Variants in POLA1 observed in about 807,000 individuals in gnomAD.
The protein encoded by POLA1 is DNA polymerase alpha 1, catalytic subunit, also known as DNA polymerase alpha catalytic subunit.
In POLA1, 15 loss-of-function variants were observed where a neutral mutation model predicts 124.0. The observed-to-expected ratio is 0.12, with a 90% CI of 0.08 to 0.19. The LOEUF (loss-of-function observed/expected upper bound fraction) is 0.19. Among genes scored for constraint, POLA1 ranks in the 10% least tolerant of loss-of-function variants. POLA1 has a pLI of 1.00. For synonymous variants in POLA1, 408 were observed against 389.4 expected (o/e 1.05, Z -0.56); for missense variants, 886 against 1,103.4 (o/e 0.80, Z 2.79).
chrX:24,727,838 G>T lies in POLA1; in HGVS notation c.1588G>T (p.Asp530Tyr). Reference protein sequence around the residue: ...CKVEAMALKPDLVNVIKDVSP... With the variant: ...CKVEAMALKPYLVNVIKDVSP... ...AGTTGAGGCAATGGCTTTGAAACCA[G>T]ACCTGGTGAATGTAATTAAGGATGT... Residue 530 changes from aspartate (D) to tyrosine (Y), a missense_variant, in exon 15 of 37, where the codon GAC (aspartate) becomes TAC (tyrosine). Asp to Tyr is a radical substitution (Grantham distance 160, BLOSUM62 -3). Coordinates refer to ENST00000379068, the MANE Select transcript of POLA1 (RefSeq NM_001330360.2). The T allele has an allele frequency of 8.3e-7, 1 of 1,207,756 alleles. No individual in the cohort carries two copies. Among genetic ancestry groups the T allele is most frequent in the Non-Finnish European group, 1.1e-6 (1 of 891,619 alleles).
intron 26 of POLA1, among the ~76,000 whole-genome samples, chrX:24,776,440 G>T (rs1039592033): frequency 1.8e-5 from 2 of 112,001 alleles, no homozygotes; most frequent in African/African-American, 6.5e-5. Context: ...TTCAGGAAAA[G>T]CTATAAGCTA....
At chrX:24,824,143 G>A (rs1003979415) in intron 31 of POLA1, among the ~76,000 whole-genome samples, 4 of 111,893 alleles carry the variant, frequency 3.6e-5, no homozygotes, top group African/African-American at 1.3e-4. Context: ...TCTGAAGTAT[G>A]TACTTTGTGA....
intron 6 of POLA1, 99 bp downstream of exon 6, chrX:24,715,302 T>G (rs1193751573): frequency 1.7e-6 from 1 of 575,387 alleles, no homozygotes; most frequent in East Asian, 3.5e-5. Flanking sequence ...AATTTTTTCT[T>G]TTTTTTTGAA....
chrX:24,844,934 ACT>A (rs2046456981), intron 34 of POLA1, among the ~76,000 whole-genome samples: 1 of 110,434 alleles, frequency 9.1e-6, no homozygotes, highest in Admixed American at 9.7e-5. Flanking sequence ...TCCTTGCTTG[ACT>A]CTTGGGAAGA....
intron 34 of POLA1, among the ~76,000 whole-genome samples, chrX:24,879,642 C>G (rs1338828026): frequency 9.0e-6 from 1 of 111,630 alleles, no homozygotes; most frequent in African/African-American, 3.3e-5. Flanking sequence ...GTACTGTGTA[C>G]TTAGTTGTGA....
Position 24,888,017 on chromosome X carries a change from A to C in POLA1, c.4059A>C (p.Ile1353=). Residue 1353 remains isoleucine, a synonymous_variant, in exon 35 of 37, where the codon ATA becomes ATC. Transcript: ENST00000379068. The part of the protein sequence containing the change: ...FIKKYYDGWL[I]CEEPTCRNRT... ...TCCCTTCTCTCCAGGGCTGGTTGAT[A>C]TGTGAAGAGCCAACCTGTCGCAATC... is the stretch of plus-strand genomic sequence containing the variant. 8.3e-7 allele frequency: 1 copy of C among 1,197,869 alleles called. No individual in the cohort carries two copies. Among genetic ancestry groups the C allele is most frequent in the Non-Finnish European group, 1.1e-6 (1 of 882,974 alleles).
chrX:24,940,901 T>C lies in POLA1; in HGVS notation c.4261+10352T>C, dbSNP rs762819506. Among the ~76,000 whole-genome samples, 5 of 112,249 alleles carry C rather than the reference T, an allele frequency of 4.5e-5. No homozygotes were observed. In the East Asian group the frequency reaches 1.1e-3, roughly 25 times the overall value. On this transcript the variant is annotated intron_variant, in intron 36 of 36. Transcript: ENST00000379068. ...AGTCCCATTTGCTTCAGGCAAATTA[T>C]AGGATTTATATTTATCCAGAATTGT...
intron 34 of POLA1, among the ~76,000 whole-genome samples, chrX:24,881,728 T>A (rs915321952): frequency 3.6e-5 from 4 of 111,587 alleles, no homozygotes; most frequent in Non-Finnish European, 5.6e-5. Flanking sequence ...TTAGGTGGAA[T>A]AAGGAAGAAA....
chrX:24,694,409 C>A (rs1927833478), intron 1 of POLA1, among the ~76,000 whole-genome samples: 1 of 112,635 alleles, frequency 8.9e-6, no homozygotes, highest in African/African-American at 3.2e-5. Flanking sequence ...GTAGGAACTT[C>A]CAGGAAAATT....
chrX:24,948,206 A>G (rs2047991820), intron 36 of POLA1, among the ~76,000 whole-genome samples: 1 of 112,148 alleles, frequency 8.9e-6, no homozygotes. Context: ...CTGATGAATT[A>G]CAAAACACTT....
chrX:24,941,777 C>A (rs956000513), intron 36 of POLA1, among the ~76,000 whole-genome samples: 5 of 112,200 alleles, frequency 4.5e-5, no homozygotes, highest in Non-Finnish European at 9.4e-5. Context: ...TGATTACATT[C>A]TCCCTGTATA....
At chrX:24,742,548 C>T (rs187542745) in intron 22 of POLA1, among the ~76,000 whole-genome samples, 14 of 112,452 alleles carry the variant, frequency 1.2e-4, no homozygotes, top group Admixed American at 8.4e-4. Flanking sequence ...AAGTAGCCTC[C>T]ATCACTTTGG....
At chrX:24,979,695 G>A (rs2147286399) in intron 36 of POLA1, among the ~76,000 whole-genome samples, 1 of 112,283 alleles carries the variant, frequency 8.9e-6, no homozygotes, top group South Asian at 3.7e-4. Flanking sequence ...GGAAACACAA[G>A]AAACAAAAAT....
At chrX:24,715,269 T>G (rs763376915) in intron 6 of POLA1, 66 bp downstream of exon 6, 27 of 703,805 alleles carry the variant, frequency 3.8e-5, no homozygotes, top group Non-Finnish European at 5.3e-5. Flanking sequence ...CTCTAGTAAT[T>G]ATACAAAACA....
intron 26 of POLA1, among the ~76,000 whole-genome samples, chrX:24,780,760 A>C (rs1250560957): frequency 8.9e-6 from 1 of 112,004 alleles, no homozygotes; most frequent in Non-Finnish European, 1.9e-5. Flanking sequence ...TATTGGTCTG[A>C]AATTTTCTTT....
chrX:24,753,151 C>G (rs1932408816), intron 26 of POLA1, among the ~76,000 whole-genome samples: 1 of 107,622 alleles, frequency 9.3e-6, no homozygotes. Flanking sequence ...GTAGCTGGGA[C>G]TACACTACAG....
At chrX:24,846,856 A>G (rs2046483740) in intron 34 of POLA1, among the ~76,000 whole-genome samples, 1 of 112,051 alleles carries the variant, frequency 8.9e-6, no homozygotes, top group African/African-American at 3.2e-5. Flanking sequence ...CACTGTTCTA[A>G]TTCATTCCTC....
intron 36 of POLA1, among the ~76,000 whole-genome samples, chrX:24,967,735 T>C (rs2048241461): frequency 1.0e-5 from 1 of 97,605 alleles, no homozygotes; most frequent in African/African-American, 3.8e-5. Flanking sequence ...ACCTCACAGA[T>C]AGAAAAACAT....
chrX:24,714,433 G>A (rs1271444529), intron 4 of POLA1, 121 bp from the exon 5 acceptor site: 2 of 458,446 alleles, frequency 4.4e-6, no homozygotes, highest in Non-Finnish European at 7.5e-6. Flanking sequence ...TGGGAATACA[G>A]GCATGATGTA....
Sources: allele counts gnomAD v4.1 joint callset (sites outside exome capture counted in the v4.1 genomes callset), GRCh38; gene constraint gnomAD v4.1.1; transcripts MANE v1.5; gene names NCBI Gene and HGNC (gene_info 2026-07-23, HGNC 2026-07-21).